The following CFAP299 variants were observed in gnomAD, a reference collection of about 807,000 sequenced individuals.
CFAP299 encodes the protein cilia and flagella associated protein 299.
CFAP299 carries 21 observed loss-of-function variants against 27.0 expected under a neutral mutation model. The observed-to-expected ratio is 0.78, with a 90% CI of 0.55 to 1.12. The LOEUF is 1.12. Ranked by LOEUF, CFAP299 falls within the 50% of genes most tolerant of loss-of-function variation. The pLI, the probability that CFAP299 is intolerant of heterozygous loss-of-function variation, is 0.00. For synonymous variants in CFAP299, 104 were observed against 98.1 expected, an observed-to-expected ratio of 1.06 and a Z score of -0.36; for missense variants, 310 against 276.6, an observed-to-expected ratio of 1.12 and a Z score of -0.86.
At chr4:80,947,591 C>T (rs969433274) in intron 5 of CFAP299, among the ~76,000 whole-genome samples, 12 of 152,072 alleles carry the variant, frequency 7.9e-5, no homozygotes, top group African/African-American at 2.2e-4. Context: ...GATTCTGCCT[C>T]GACTGGGACC....
intron 3 of CFAP299, among the ~76,000 whole-genome samples, chr4:80,702,931 A>G (rs1047374886): frequency 6.6e-6 from 1 of 151,806 alleles, no homozygotes; most frequent in African/African-American, 2.4e-5. Context: ...CATGGAAATA[A>G]ACTGTGCTAA....
At chr4:80,870,697 C>A in intron 4 of CFAP299, 1 of 985,494 alleles carries the variant, frequency 1.0e-6, no homozygotes, top group Non-Finnish European at 1.2e-6. Flanking sequence ...CTACTCCCTT[C>A]TAAATAGCAT....
At chr4:80,414,946 C>A (rs895092171) in intron 2 of CFAP299, among the ~76,000 whole-genome samples, 9 of 152,106 alleles carry the variant, frequency 5.9e-5, no homozygotes, top group Non-Finnish European at 1.5e-5. Flanking sequence ...TTTTGGTTCA[C>A]CATTGTGACC....
At chr4:80,897,954 G>A (rs1005012112) in intron 4 of CFAP299, among the ~76,000 whole-genome samples, 1 of 152,204 alleles carries the variant, frequency 6.6e-6, no homozygotes, top group African/African-American at 2.4e-5. Context: ...GAGCATGCAG[G>A]TGAGTCGGTG....
At chr4:80,409,735 A>T (rs1726616004) in intron 2 of CFAP299, among the ~76,000 whole-genome samples, 1 of 152,240 alleles carries the variant, frequency 6.6e-6, no homozygotes, top group African/African-American at 2.4e-5. Context: ...GAAGCACCTG[A>T]AATCTGATAT....
intron 2 of CFAP299, among the ~76,000 whole-genome samples, chr4:80,504,470 TA>T (rs1731903916): frequency 1.0e-4 from 9 of 89,922 alleles, no homozygotes; most frequent in Admixed American, 9.4e-4. Context: ...CACATATATA[TA>T]TATATATATA....
At position 80,937,312 on chromosome 4, in the gene CFAP299, C is replaced by CTTTTTTTTT. The variant is rs70956081; in HGVS notation, c.477-7484_477-7476dup. 4.2e-3 allele frequency among the ~76,000 whole-genome samples: 285 copies of CTTTTTTTTT among 68,594 alleles called. 14 individuals are homozygous for CTTTTTTTTT. The highest frequency in any genetic ancestry group is 0.017 in the African/African-American group (255 of 15,210). 45.0% of individuals were successfully genotyped at this position (68,594 alleles called of 152,430 possible). A position where few individuals can be genotyped will look rare whatever the true frequency, so the allele number is the denominator to read the frequency against. The stretch of plus-strand genomic sequence containing the variant: ...TTTTCTTTTTTCTTTTTTTTTCTTT[C>CTTTTTTTTT]TTTTTTTTTTTTTTTTTTTTTTGAG... On this transcript the variant is annotated intron_variant, in intron 4 of 5. Transcript: ENST00000358105.
At chr4:80,618,030 A>G (rs530273242) in intron 3 of CFAP299, among the ~76,000 whole-genome samples, 1 of 152,274 alleles carries the variant, frequency 6.6e-6, no homozygotes, top group South Asian at 2.1e-4. Flanking sequence ...GGAGGAATAA[A>G]AGAAAAATTT....
At chr4:80,340,442 T>TG (rs1264536735) in intron 1 of CFAP299, among the ~76,000 whole-genome samples, 1 of 152,132 alleles carries the variant, frequency 6.6e-6, no homozygotes. Context: ...TCTCCAGCCT[T>TG]GGGAATCCTG....
At chr4:80,386,646 T>C in intron 2 of CFAP299, 1 of 1,594,374 alleles carries the variant, frequency 6.3e-7, no homozygotes. Context: ...TAGTAGCCCG[T>C]GTGGGCGCGC....
intron 3 of CFAP299, among the ~76,000 whole-genome samples, chr4:80,725,333 T>C (rs1175396532): frequency 1.3e-5 from 2 of 152,010 alleles, no homozygotes; most frequent in Admixed American, 6.6e-5. Flanking sequence ...TGGAGAGATA[T>C]GTAAAATTTC....
In CFAP299 at chr4:80,798,694, T is replaced by A. The variant is rs78075697; in HGVS notation, c.334-71299T>A. Among the ~76,000 whole-genome samples, 86 of 152,210 alleles carry A rather than the reference T, an allele frequency of 5.7e-4. No homozygotes were observed. In the East Asian group the frequency reaches 0.015, roughly 27 times the overall value. On this transcript the variant is annotated intron_variant, in intron 3 of 5. Transcript: ENST00000358105. ...CTGCTTCTAAAGCCAGGAGTTAGAA[T>A]CCCTGAGTTCATCATTTTCTTTCAT...
intron 3 of CFAP299, among the ~76,000 whole-genome samples, chr4:80,680,172 T>G (rs1253767389): frequency 6.6e-6 from 1 of 152,136 alleles, no homozygotes; most frequent in Non-Finnish European, 1.5e-5. Context: ...CTTCACTGTC[T>G]GTTCTCTTTC....
intron 2 of CFAP299, among the ~76,000 whole-genome samples, chr4:80,488,408 A>G (rs756177379): frequency 1.3e-5 from 2 of 152,166 alleles, no homozygotes; most frequent in Admixed American, 6.5e-5. Context: ...TCAATATTTC[A>G]TACTATGTGC....
At chr4:80,574,748 T>C (rs1156266018) in intron 2 of CFAP299, among the ~76,000 whole-genome samples, 5 of 152,170 alleles carry the variant, frequency 3.3e-5, no homozygotes, top group Non-Finnish European at 7.4e-5. Flanking sequence ...TATGTTGATG[T>C]GATGTGTCAC....
intron 3 of CFAP299, among the ~76,000 whole-genome samples, chr4:80,831,542 G>A (rs894740822): frequency 1.5e-4 from 23 of 152,158 alleles, no homozygotes; most frequent in African/African-American, 4.3e-4. Flanking sequence ...GCTGGCATGC[G>A]GAATGTGGGA....
chr4:80,858,848 A>G (rs1456245565), intron 3 of CFAP299, among the ~76,000 whole-genome samples: 2 of 152,032 alleles, frequency 1.3e-5, no homozygotes, highest in African/African-American at 4.8e-5. Context: ...CAATTTTGGA[A>G]TAGGTGTGGT....
At chr4:80,479,122 A>G (rs528916763) in intron 2 of CFAP299, among the ~76,000 whole-genome samples, 1 of 152,072 alleles carries the variant, frequency 6.6e-6, no homozygotes, top group Non-Finnish European at 1.5e-5. Context: ...AAGAAATGAT[A>G]TAACAATTTT....
At chr4:80,431,143 C>T (rs1016117314) in intron 2 of CFAP299, among the ~76,000 whole-genome samples, 4 of 152,198 alleles carry the variant, frequency 2.6e-5, no homozygotes, top group Admixed American at 2.0e-4. Flanking sequence ...ATTGTACTTA[C>T]TTTGTGGTTA....
Sources: allele counts gnomAD v4.1 joint callset (sites outside exome capture counted in the v4.1 genomes callset), GRCh38; gene constraint gnomAD v4.1.1; transcripts MANE v1.5; gene names NCBI Gene and HGNC (gene_info 2026-07-23, HGNC 2026-07-21).